Variants in ITPR2 observed in about 807,000 individuals in gnomAD.
ITPR2 encodes inositol 1,4,5-trisphosphate receptor type 2.
ITPR2 carries 207 observed loss-of-function variants against 317.1 expected under a neutral mutation model. The observed-to-expected ratio is 0.65, with a 90% CI of 0.58 to 0.73. The LOEUF is 0.73. Among genes scored for constraint, ITPR2 ranks in the 30% least tolerant of loss-of-function variants. The probability of loss-of-function intolerance (pLI) is 0.00; values close to 1 mark genes in which losing one functional copy is unlikely to be tolerated. For synonymous variants in ITPR2, 1,156 were observed against 1,149.1 expected, an observed-to-expected ratio of 1.01 and a Z score of -0.12; for missense variants, 2,613 against 3,284.0, an observed-to-expected ratio of 0.80 and a Z score of 4.99.
intron 55 of ITPR2, among the ~76,000 whole-genome samples, chr12:26,342,509 G>C (rs1166565781): frequency 5.6e-5 from 4 of 71,854 alleles, no homozygotes; most frequent in Non-Finnish European, 1.3e-4. Flanking sequence ...GGGGGGGGGG[G>C]GGGGCGGGGG....
chr12:26,669,595 G>A (rs142483741), intron 13 of ITPR2, among the ~76,000 whole-genome samples: 3 of 152,320 alleles, frequency 2.0e-5, no homozygotes, highest in African/African-American at 7.2e-5. Context: ...GAACAGCTCG[G>A]GTCTACAGCT....
chr12:26,665,769 G>C (rs2136924644), intron 14 of ITPR2, 141 bp downstream of exon 14: 1 of 721,514 alleles, frequency 1.4e-6, no homozygotes, highest in East Asian at 2.7e-5. Context: ...CACAGAAACT[G>C]TGAGACAAGA....
chr12:26,606,336 C>T (rs1401423992), intron 26 of ITPR2, among the ~76,000 whole-genome samples: 5 of 152,130 alleles, frequency 3.3e-5, no homozygotes, highest in African/African-American at 1.2e-4. Context: ...ATCTAGAGAA[C>T]CTAAATTTAT....
At chr12:26,599,876 A>T in intron 29 of ITPR2, 111 bp downstream of exon 29, 2 of 793,354 alleles carry the variant, frequency 2.5e-6, no homozygotes, top group Non-Finnish European at 4.0e-6. Flanking sequence ...AATTTCCACA[A>T]GGAAAAAAAA....
At chr12:26,710,395 A>G (rs1034606420) in intron 9 of ITPR2, among the ~76,000 whole-genome samples, 2 of 152,182 alleles carry the variant, frequency 1.3e-5, no homozygotes, top group Non-Finnish European at 2.9e-5. Flanking sequence ...AATTTGCCCA[A>G]TATGTCTCCA....
chr12:26,726,292 T>C (rs542886253), intron 2 of ITPR2, among the ~76,000 whole-genome samples: 1 of 152,220 alleles, frequency 6.6e-6, no homozygotes, highest in East Asian at 1.9e-4. Context: ...GATGGAAACA[T>C]AAAGCAAAAC....
At position 26,531,059 on chromosome 12, in the gene ITPR2, C is replaced by A. The variant is rs74824940; in HGVS notation, c.5073+19188G>T. ...TTGGTAAAATAAATCAATTACAGTA[C>A]ATTGTTTTTATCTTAAATACCCTTA... On this transcript the variant is annotated intron_variant, in intron 37 of 56. Transcript: ENST00000381340. Among the ~76,000 whole-genome samples, 881 of 152,270 alleles carry A rather than the reference C, an allele frequency of 5.8e-3. 12 individuals carry two copies. The highest frequency in any genetic ancestry group is 0.02 in the African/African-American group (838 of 41,556).
In ITPR2 at chr12:26,570,202, C is replaced by A. The variant is rs186557115; in HGVS notation, c.4631-8250G>T. On this transcript the variant is annotated intron_variant, in intron 34 of 56. Transcript: ENST00000381340. Reference sequence around the variant, plus strand: ...ATTTCTGTACATGTTATATCTACCCCTAATATACTGGAAATTAATCGAGGG... The same window carrying A: ...ATTTCTGTACATGTTATATCTACCCATAATATACTGGAAATTAATCGAGGG... 2.3e-3 allele frequency among the ~76,000 whole-genome samples: 347 copies of A among 152,238 alleles called. 2 individuals are homozygous for A. Among genetic ancestry groups the A allele is most frequent in the African/African-American group, 7.8e-3 (323 of 41,556 alleles).
At chr12:26,401,989 C>A (rs981117765) in intron 52 of ITPR2, among the ~76,000 whole-genome samples, 10 of 152,112 alleles carry the variant, frequency 6.6e-5, no homozygotes, top group African/African-American at 2.4e-4. Flanking sequence ...GAGTCCAAGG[C>A]ACATTCTGAT....
chr12:26,401,338 G>A (rs1197990415), intron 52 of ITPR2, among the ~76,000 whole-genome samples: 3 of 152,086 alleles, frequency 2.0e-5, no homozygotes, highest in Non-Finnish European at 2.9e-5. Context: ...TCATTACTGC[G>A]GTTAAGTGTC....
Position 26,642,040 on chromosome 12 carries a change from C to T in ITPR2, c.2741-9981G>A, listed in dbSNP as rs184983904. 3.9e-5 allele frequency among the ~76,000 whole-genome samples: 6 copies of T among 152,204 alleles called. No individual in the cohort carries two copies. In the East Asian group the frequency reaches 5.8e-4, roughly 15 times the overall value. ...GCACAAAGCTGGTGAGAGAACCAGC[C>T]TCAGGACTTCAAAATGGCACAGAAA... On this transcript the variant is annotated intron_variant, in intron 21 of 56. Coordinates refer to ENST00000381340, the MANE Select transcript of ITPR2 (RefSeq NM_002223.4).
intron 46 of ITPR2, among the ~76,000 whole-genome samples, chr12:26,442,956 C>T (rs1941519865): frequency 6.6e-6 from 1 of 152,116 alleles, no homozygotes; most frequent in African/African-American, 2.4e-5. Context: ...AAATGACAGC[C>T]AGATGGGTCT....
intron 18 of ITPR2, among the ~76,000 whole-genome samples, chr12:26,657,232 T>C (rs1947392510): frequency 6.6e-6 from 1 of 152,182 alleles, no homozygotes; most frequent in Admixed American, 6.5e-5. Context: ...TCCGCTGCCA[T>C]ATTCCGGGGC....
chr12:26,658,173 T>A (rs750154128), intron 16 of ITPR2, 43 bp from the exon 17 acceptor site: 2 of 1,392,264 alleles, frequency 1.4e-6, no homozygotes, highest in Non-Finnish European at 1.9e-6. Context: ...AGACAAAGCA[T>A]TTTATAAAAG....
chr12:26,565,250 A>G (rs1273083118), intron 34 of ITPR2, among the ~76,000 whole-genome samples: 1 of 152,240 alleles, frequency 6.6e-6, no homozygotes, highest in Non-Finnish European at 1.5e-5. Context: ...GAAGAAGAAA[A>G]TTAAGTTAGA....
At chr12:26,561,705 A>C in intron 35 of ITPR2, 57 bp downstream of exon 35, 1 of 1,323,192 alleles carries the variant, frequency 7.6e-7, no homozygotes, top group Non-Finnish European at 1.0e-6. Context: ...ATGTGACTAC[A>C]TATTTTTAAA....
chr12:26,706,265 A>G (rs1393135978), intron 9 of ITPR2, among the ~76,000 whole-genome samples: 6 of 152,194 alleles, frequency 3.9e-5, no homozygotes, highest in East Asian at 3.8e-4. Flanking sequence ...AGAAACTACT[A>G]TATTACACAG....
At chr12:26,729,844 A>G (rs1217122546) in intron 2 of ITPR2, among the ~76,000 whole-genome samples, 4 of 152,144 alleles carry the variant, frequency 2.6e-5, no homozygotes, top group Admixed American at 1.3e-4. Flanking sequence ...ATCAAGAAAA[A>G]TAACTAATGA....
intron 37 of ITPR2, among the ~76,000 whole-genome samples, chr12:26,501,514 C>T (rs1452674907): frequency 6.6e-6 from 1 of 152,146 alleles, no homozygotes; most frequent in Non-Finnish European, 1.5e-5. Context: ...GTTGCCTTTG[C>T]CTAGCTTTCT....
Sources: gnomAD v4.1 joint callset for allele counts (sites outside exome capture counted in the v4.1 genomes callset) on GRCh38, gnomAD v4.1.1 for gene constraint, MANE v1.5 for transcripts, NCBI Gene and HGNC (gene_info 2026-07-23, HGNC 2026-07-21) for gene names.